Variants in TPD52L1 observed in about 807,000 individuals in gnomAD.
TPD52L1 encodes TPD52 like 1.
TPD52L1 carries 18 observed loss-of-function variants against 28.7 expected under a neutral mutation model. The ratio of observed to expected loss-of-function variants is 0.63; its 90% CI spans 0.43 to 0.93. The LOEUF (loss-of-function observed/expected upper bound fraction) is 0.93, where lower values mean the gene tolerates loss of function less well. Ranked by LOEUF, TPD52L1 falls within the 40% of genes least tolerant of loss-of-function variation. TPD52L1 has a pLI of 0.00. For missense variants in TPD52L1, 203 were observed against 254.8 expected (o/e 0.80, Z 1.39); for synonymous variants, 75 against 88.8 (o/e 0.84, Z 0.88).
chr6:125,165,211 T>G (rs1790815001), intron 1 of TPD52L1, among the ~76,000 whole-genome samples: 2 of 151,314 alleles, frequency 1.3e-5, no homozygotes, highest in Non-Finnish European at 2.9e-5. Context: ...AAAGGTGACC[T>G]CAAAATGTGG....
Position 125,229,227 on chromosome 6 carries a change from A to G in TPD52L1, c.245A>G (p.Asn82Ser), listed in dbSNP as rs1215943374. ...AACCTGATGAATGAATTAAAACAGA[A>G]CTTCAGCAAAAGCTGGCATGACATG... ...GMNLMNELKQNFSKSWHDMQT... is the reference protein window; with the variant it reads ...GMNLMNELKQSFSKSWHDMQT... The change falls in exon 3 of 7, where the codon AAC becomes AGC. Residue 82 changes from asparagine (N) to serine (S), a missense_variant. By Grantham distance (46) the Asn-to-Ser change is conservative. Transcript: ENST00000534000. The G allele has an allele frequency of 1.2e-6, 2 of 1,613,470 alleles. No homozygotes were observed. The highest frequency in any genetic ancestry group is 2.2e-5 in the South Asian group (2 of 91,000).
At chr6:125,234,226 G>A (rs1170494939) in intron 3 of TPD52L1, 1 of 152,206 alleles carries the variant, frequency 6.6e-6, no homozygotes, top group Non-Finnish European at 1.5e-5. Context: ...TGAAAGTAAT[G>A]GCAGCTAATG....
intron 1 of TPD52L1, among the ~76,000 whole-genome samples, chr6:125,189,638 T>C (rs1792897671): frequency 6.6e-6 from 1 of 152,236 alleles, no homozygotes. Context: ...CCTTTGATTG[T>C]GTGGGTGTTG....
chr6:125,204,491 T>A lies in TPD52L1; in HGVS notation c.20-15587T>A, dbSNP rs974452923. Among the ~76,000 whole-genome samples, 19 of 152,130 alleles carry A rather than the reference T, an allele frequency of 1.2e-4. No homozygotes were observed. In the South Asian group the frequency reaches 3.3e-3, roughly 27 times the overall value. On this transcript the variant is annotated intron_variant, in intron 1 of 6. Coordinates refer to ENST00000534000, the MANE Select transcript of TPD52L1 (RefSeq NM_003287.4). ...TAGTTATCAGATTTTTTATTTTTAT[T>A]TTTTTTTCGACGGAGTCTCACTCTG...
intron 1 of TPD52L1, among the ~76,000 whole-genome samples, chr6:125,174,387 A>G (rs1791696327): frequency 6.6e-6 from 1 of 152,178 alleles, no homozygotes; most frequent in Non-Finnish European, 1.5e-5. Context: ...TATGCTACCT[A>G]CCACAAAGTT....
chr6:125,218,361 C>T (rs1406049736), intron 1 of TPD52L1, among the ~76,000 whole-genome samples: 2 of 152,162 alleles, frequency 1.3e-5, no homozygotes, highest in African/African-American at 4.8e-5. Flanking sequence ...TCAGTGAAGT[C>T]AAGCATGCTT....
intron 1 of TPD52L1, among the ~76,000 whole-genome samples, chr6:125,158,369 A>ATTATACT (rs1266834099): frequency 6.6e-6 from 1 of 151,544 alleles, no homozygotes; most frequent in Non-Finnish European, 1.5e-5. Context: ...TATACTTTAC[A>ATTATACT]TTATACTTTA....
intron 1 of TPD52L1, among the ~76,000 whole-genome samples, chr6:125,156,985 A>C (rs1314982650): frequency 6.6e-6 from 1 of 152,222 alleles, no homozygotes; most frequent in Non-Finnish European, 1.5e-5. Context: ...TGAGTTATTT[A>C]AGAAAAAACT....
chr6:125,208,841 T>G, intron 1 of TPD52L1: 1 of 920,574 alleles, frequency 1.1e-6, no homozygotes, highest in Non-Finnish European at 1.3e-6. Flanking sequence ...GTGACAGCAC[T>G]CCCAGGGAGA....
intron 1 of TPD52L1, among the ~76,000 whole-genome samples, chr6:125,179,803 A>G (rs1792066460): frequency 6.6e-6 from 1 of 152,156 alleles, no homozygotes; most frequent in Non-Finnish European, 1.5e-5. Context: ...TTCTCTTTAT[A>G]GATGGAAATG....
chr6:125,162,801 G>T (rs940785128), intron 1 of TPD52L1, among the ~76,000 whole-genome samples: 1 of 152,170 alleles, frequency 6.6e-6, no homozygotes, highest in Non-Finnish European at 1.5e-5. Flanking sequence ...CCTAGCACAT[G>T]GTAAGTAGTA....
At chr6:125,209,656 G>A (rs1381048759) in intron 1 of TPD52L1, among the ~76,000 whole-genome samples, 1 of 152,204 alleles carries the variant, frequency 6.6e-6, no homozygotes, top group Non-Finnish European at 1.5e-5. Flanking sequence ...CAATGCCGCT[G>A]TGTTGAGGTG....
intron 1 of TPD52L1, among the ~76,000 whole-genome samples, chr6:125,175,897 A>C (rs1376066083): frequency 1.3e-5 from 2 of 152,192 alleles, no homozygotes; most frequent in Admixed American, 1.3e-4. Context: ...ATATTGAGGA[A>C]ATTCTTACAG....
chr6:125,171,426 A>G (rs1791291592), intron 1 of TPD52L1, among the ~76,000 whole-genome samples: 1 of 152,194 alleles, frequency 6.6e-6, no homozygotes, highest in Non-Finnish European at 1.5e-5. Context: ...GCTTCCAAAC[A>G]ACAGAATATG....
intron 1 of TPD52L1, chr6:125,219,769 T>A: frequency 2.6e-6 from 1 of 388,982 alleles, no homozygotes; most frequent in Non-Finnish European, 4.9e-6. Flanking sequence ...CCCTTACGCC[T>A]CATGAGACAG....
At chr6:125,245,481 G>A (rs1392381774) in intron 3 of TPD52L1, among the ~76,000 whole-genome samples, 2 of 152,156 alleles carry the variant, frequency 1.3e-5, no homozygotes, top group Non-Finnish European at 1.5e-5. Flanking sequence ...AAGAGTTTAT[G>A]TCTTCTGTGT....
chr6:125,188,151 GT>G (rs1284918839), intron 1 of TPD52L1, among the ~76,000 whole-genome samples: 1 of 152,128 alleles, frequency 6.6e-6, no homozygotes, highest in Non-Finnish European at 1.5e-5. Context: ...AGCTTCTTAG[GT>G]TTTGGAACCA....
chr6:125,178,657 A>G (rs59740571), intron 1 of TPD52L1, among the ~76,000 whole-genome samples: 1 of 145,278 alleles, frequency 6.9e-6, no homozygotes, highest in African/African-American at 2.8e-5. Flanking sequence ...AAACAAAACA[A>G]AATATATATA....
intron 1 of TPD52L1, among the ~76,000 whole-genome samples, chr6:125,158,041 G>A (rs1203900297): frequency 1.3e-5 from 2 of 152,068 alleles, no homozygotes; most frequent in African/African-American, 4.8e-5. Flanking sequence ...CCGTGGTTAT[G>A]CTGCTTTCTG....
Sources: gnomAD v4.1 joint callset for allele counts (sites outside exome capture counted in the v4.1 genomes callset) on GRCh38, gnomAD v4.1.1 for gene constraint, MANE v1.5 for transcripts, NCBI Gene and HGNC (gene_info 2026-07-23, HGNC 2026-07-21) for gene names.